FBN3: variants seen among roughly 807,000 people sequenced by gnomAD.
FBN3 encodes fibrillin 3.
Under a neutral mutation model 330.1 loss-of-function variants are expected in FBN3, and 234 were observed. The observed-to-expected ratio is 0.71, with a 90% CI of 0.64 to 0.79. The LOEUF (loss-of-function observed/expected upper bound fraction) is 0.79, where lower values mean the gene tolerates loss of function less well. Ranked by LOEUF, FBN3 falls within the 30% of genes least tolerant of loss-of-function variation. The pLI, the probability that FBN3 is intolerant of heterozygous loss-of-function variation, is 0.00. For missense variants in FBN3, 3,606 were observed against 3,886.9 expected (o/e 0.93, Z 1.92); for synonymous variants, 1,458 against 1,517.3 (o/e 0.96, Z 0.91).
chr19:8,120,230 C>T (rs1167141348), intron 25 of FBN3, among the ~76,000 whole-genome samples: 12 of 137,954 alleles, frequency 8.7e-5, no homozygotes, highest in East Asian at 2.2e-4. Context: ...AGTGCAGTGG[C>T]GCGATCTCGG....
At chr19:8,078,832 AC>A (rs1190566686) in intron 59 of FBN3, among the ~76,000 whole-genome samples, 1 of 146,798 alleles carries the variant, frequency 6.8e-6, no homozygotes, top group African/African-American at 2.6e-5. Context: ...CCTAGGCTGG[AC>A]TGCAGTGGTA....
At chr19:8,141,620 A>T in intron 8 of FBN3, 97 bp downstream of exon 8, 9 of 1,413,602 alleles carry the variant, frequency 6.4e-6, no homozygotes, top group Non-Finnish European at 8.7e-6. Context: ...TGGGCACCTC[A>T]CCAGCCTGAC....
intron 6 of FBN3, among the ~76,000 whole-genome samples, chr19:8,143,975 T>C (rs1218039054): frequency 6.6e-6 from 1 of 151,818 alleles, no homozygotes. Context: ...CCAGGCTAAT[T>C]TTTTACTTTT....
At chr19:8,076,553 C>T (rs1322366547) in intron 59 of FBN3, among the ~76,000 whole-genome samples, 2 of 152,098 alleles carry the variant, frequency 1.3e-5, no homozygotes, top group African/African-American at 2.4e-5. Context: ...GCAGAAGAAT[C>T]GCTTGAACCC....
In FBN3 at chr19:8,106,219, G is replaced by C; in HGVS notation, c.4702C>G (p.Gln1568Glu). Residue 1568 changes from glutamine (Q) to glutamate (E), a missense_variant, in exon 38 of 64, where the codon CAA becomes GAA. Gln to Glu is a conservative substitution (Grantham distance 29). Coordinates refer to ENST00000600128, the MANE Select transcript of FBN3 (RefSeq NM_032447.5). ...TVILEDIDEC[Q>E]ELPGLCQGGD... ...CCCTGACACAGCCCTGGCAGCTCTTGGCACTCGTCGATGTCTGTCAGGAAG... is the reference window on the plus strand; with the variant it reads ...CCCTGACACAGCCCTGGCAGCTCTTCGCACTCGTCGATGTCTGTCAGGAAG... 1 of 1,614,156 alleles carries C rather than the reference G, an allele frequency of 6.2e-7. No individual in the cohort carries two copies. Among genetic ancestry groups the C allele is most frequent in the Non-Finnish European group, 8.5e-7 (1 of 1,180,022 alleles).
rs11672038 is a variant in FBN3, at chr19:8,109,840, C to T, written c.4334-87G>A. On this transcript the variant is annotated intron_variant, in intron 34 of 63. Transcript: ENST00000600128. This position sits in a 1 kb window ranked among gnomAD's most constrained non-coding sequence, Gnocchi z 5.2. The stretch of plus-strand genomic sequence containing the variant: ...CTTCATCCTGGGAAGCTACAGCCCT[C>T]GCTCAAGGTCAACTCCTGGGCACCA... 535,965 of 1,382,134 alleles carry T rather than the reference C, an allele frequency of 0.39. 105,943 individuals carry two copies. Among genetic ancestry groups the T allele is most frequent in the South Asian group, 0.54 (29,706 of 55,318 alleles). 85.6% of individuals were successfully genotyped at this position (1,382,134 alleles called of 1,614,324 possible).
At chr19:8,099,675 A>G (rs969610986) in intron 41 of FBN3, among the ~76,000 whole-genome samples, 1 of 151,948 alleles carries the variant, frequency 6.6e-6, no homozygotes, top group African/African-American at 2.4e-5. Flanking sequence ...CATAGTTGAC[A>G]TTTGGGATGC....
Position 8,097,439 on chromosome 19 carries a change from G to T in FBN3, c.5162-25C>A, listed in dbSNP as rs372159160. The T allele has an allele frequency of 1.3e-3, 2,000 of 1,575,566 alleles. 45 individuals carry two copies. In the South Asian group the frequency reaches 0.021, roughly 17 times the overall value. The stretch of plus-strand genomic sequence containing the variant: ...TCTGCAGAAGGCATCTGCCATCAGG[G>T]GCAGCCCAGCCCCCTGGGACTTCCA... On this transcript the variant is annotated intron_variant, in intron 41 of 63. Transcript: ENST00000600128.
intron 59 of FBN3, among the ~76,000 whole-genome samples, chr19:8,078,211 A>G (rs1259143328): frequency 6.6e-6 from 1 of 152,198 alleles, no homozygotes; most frequent in African/African-American, 2.4e-5. Context: ...AGTCATTAGC[A>G]GACAGGAACA....
intron 56 of FBN3, among the ~76,000 whole-genome samples, chr19:8,084,577 CT>C (rs1183059095): frequency 6.6e-6 from 1 of 151,660 alleles, no homozygotes; most frequent in African/African-American, 2.4e-5. Flanking sequence ...GGCCCTCTTG[CT>C]TTTTATTTTT....
At chr19:8,143,742 C>T (rs1160799211) in intron 6 of FBN3, among the ~76,000 whole-genome samples, 1 of 151,506 alleles carries the variant, frequency 6.6e-6, no homozygotes, top group Non-Finnish European at 1.5e-5. Flanking sequence ...ATCTGCCCGC[C>T]TCGGCCTCCC....
chr19:8,072,331 G>T, intron 62 of FBN3, 133 bp from the exon 63 acceptor site: 1 of 952,510 alleles, frequency 1.0e-6, no homozygotes, highest in Non-Finnish European at 1.5e-6. Context: ...CTCTGAGCAT[G>T]TGCTGGTGTG....
At chr19:8,103,320 C>T (rs915955742) in intron 39 of FBN3, among the ~76,000 whole-genome samples, 4 of 151,258 alleles carry the variant, frequency 2.6e-5, no homozygotes, top group African/African-American at 4.8e-5. Context: ...TGATGTCTCT[C>T]CCCCAACACA....
intron 8 of FBN3, 92 bp from the exon 9 acceptor site, chr19:8,138,656 A>G (rs1373230833): frequency 1.5e-6 from 2 of 1,367,044 alleles, no homozygotes; most frequent in Non-Finnish European, 2.0e-6. Flanking sequence ...TGCCTGTAGG[A>G]CGGGTCTGTT....
intron 18 of FBN3, among the ~76,000 whole-genome samples, chr19:8,127,674 T>C (rs565841277): frequency 2.1e-4 from 32 of 152,294 alleles, no homozygotes; most frequent in Admixed American, 1.2e-3. Context: ...TAACTTACGT[T>C]TACTAGTTTA....
intron 51 of FBN3, among the ~76,000 whole-genome samples, chr19:8,089,193 ATGAG>A (rs1437059972): frequency 2.0e-5 from 3 of 152,224 alleles, no homozygotes; most frequent in Admixed American, 1.3e-4. Flanking sequence ...CAAGGAGTGA[ATGAG>A]TGAGTGAATT....
chr19:8,146,024 C>A, intron 4 of FBN3, 86 bp from the exon 5 acceptor site: 1 of 1,485,362 alleles, frequency 6.7e-7, no homozygotes, highest in Non-Finnish European at 9.2e-7. Flanking sequence ...TAGGCATGCT[C>A]AGCCCCGCTC....
In FBN3 at chr19:8,084,093, C is replaced by T. The variant is rs150037177; in HGVS notation, c.7088-721G>A. Among the ~76,000 whole-genome samples the T allele has an allele frequency of 5.3e-4, 81 of 151,900 alleles. 1 individual carries two copies. The highest frequency in any genetic ancestry group is 8.1e-4 in the Non-Finnish European group (55 of 67,948). ...CTGGGATTACAGGCGTGAGCCACCG[C>T]GGCCCTCCCCAGTCCTGTTGATGCC... On this transcript the variant is annotated intron_variant, in intron 56 of 63. Transcript: ENST00000600128.
chr19:8,125,875 A>T lies in FBN3; in HGVS notation c.2731+17T>A, dbSNP rs1175335998. 6.3e-7 allele frequency: 1 copy of T among 1,598,256 alleles called. No homozygotes were observed. Among genetic ancestry groups the T allele is most frequent in the Admixed American group, 1.8e-5 (1 of 55,450 alleles). On this transcript the variant is annotated intron_variant, in intron 22 of 63. Transcript: ENST00000600128. ...GAAGAACGTGTGGCCCTGTATGCGG[A>T]CCTCGCCTGGACTCACCCACGCACA...
Sources: gnomAD v4.1 joint callset for allele counts (sites outside exome capture counted in the v4.1 genomes callset) on GRCh38, gnomAD v4.1.1 for gene constraint, Gnocchi (gnomAD v3.1) non-coding constraint, MANE v1.5 for transcripts, NCBI Gene and HGNC (gene_info 2026-07-23, HGNC 2026-07-21) for gene names.